DENND10: variants seen among roughly 807,000 people sequenced by gnomAD.
DENND10 encodes the protein DENN domain containing 10.
Under a neutral mutation model 43.6 loss-of-function variants are expected in DENND10, and 24 were observed. The ratio of observed to expected loss-of-function variants is 0.55; its 90% CI spans 0.40 to 0.77. The LOEUF (loss-of-function observed/expected upper bound fraction) is 0.77. DENND10 is among the 30% of genes least tolerant of loss of function. The probability of loss-of-function intolerance (pLI) is 0.00; values close to 1 mark genes in which losing one functional copy is unlikely to be tolerated. For missense variants in DENND10, 303 were observed against 429.9 expected (o/e 0.70, Z 2.61); for synonymous variants, 125 against 157.6 (o/e 0.79, Z 1.55).
chr10:119,126,539 A>G (rs530973562), intron 6 of DENND10, among the ~76,000 whole-genome samples: 1 of 152,234 alleles, frequency 6.6e-6, no homozygotes, highest in South Asian at 2.1e-4. Flanking sequence ...CTCTCAGCTC[A>G]CTGCAACCTC....
intron 6 of DENND10, 169 bp from the exon 7 acceptor site, chr10:119,129,346 G>A: frequency 1.7e-6 from 1 of 595,826 alleles, no homozygotes; most frequent in Non-Finnish European, 3.0e-6. Flanking sequence ...AATATCTTCA[G>A]GCAACTGATA....
rs977919710 is a variant in DENND10 at position 119,137,783 on chromosome 10, TTGAG to T, written c.*1141_*1144del. On this transcript the variant is annotated 3_prime_UTR_variant, in exon 9 of 9. Transcript: ENST00000361432. ...AAAAATTAAACACCCTCCCTTTTTT[TTGAG>T]TGAGGGCAGGGAGTACCTGAAATAA... 3 of 166,504 alleles carry T rather than the reference TTGAG, an allele frequency of 1.8e-5. No individual in the cohort carries two copies. The highest frequency in any genetic ancestry group is 7.3e-5 in the African/African-American group (3 of 41,280). 10.3% of individuals were successfully genotyped at this position (166,504 alleles called of 1,614,324 possible). A position where few individuals can be genotyped will look rare whatever the true frequency, so the allele number is the denominator to read the frequency against.
chr10:119,106,941 T>C (rs1844723981), intron 1 of DENND10, among the ~76,000 whole-genome samples: 1 of 151,890 alleles, frequency 6.6e-6, no homozygotes, highest in African/African-American at 2.4e-5. Context: ...CCCCAGCCAC[T>C]CGGGAGGCTG....
chr10:119,132,488 A>G lies in DENND10; in HGVS notation c.803-27A>G, dbSNP rs1234629622. The G allele has an allele frequency of 6.4e-7, 1 of 1,564,854 alleles. No individual in the cohort carries two copies. The highest frequency in any genetic ancestry group is 1.4e-5 in the African/African-American group (1 of 73,980). On this transcript the variant is annotated intron_variant, in intron 7 of 8. Coordinates refer to ENST00000361432, the MANE Select transcript of DENND10 (RefSeq NM_207009.4). The surrounding 1 kb of genome is among the most constrained non-coding windows in gnomAD (Gnocchi z 4.2). Reference sequence around the variant, plus strand: ...ATGATTATTTTTTATGTCGATTTCTAAATATTCACCTTCTTGATCTCACCA... The same window carrying G: ...ATGATTATTTTTTATGTCGATTTCTGAATATTCACCTTCTTGATCTCACCA...
chr10:119,115,342 T>C (rs1225761295), intron 3 of DENND10, among the ~76,000 whole-genome samples: 1 of 151,242 alleles, frequency 6.6e-6, no homozygotes, highest in Non-Finnish European at 1.5e-5. Flanking sequence ...CATTCATTGT[T>C]CTCTACTTTT....
chr10:119,123,886 T>G (rs1310317555), intron 6 of DENND10, among the ~76,000 whole-genome samples: 4 of 151,770 alleles, frequency 2.6e-5, no homozygotes, highest in Non-Finnish European at 5.9e-5. Context: ...TTTTTTTTTT[T>G]TTTTTAGTTT....
At chr10:119,113,054 T>A (rs1391072712) in intron 3 of DENND10, among the ~76,000 whole-genome samples, 1 of 152,042 alleles carries the variant, frequency 6.6e-6, no homozygotes. Context: ...TTTTGTCATG[T>A]TGGCCAGGCT....
At chr10:119,116,275 T>G (rs1158334052) in intron 3 of DENND10, among the ~76,000 whole-genome samples, 3 of 152,204 alleles carry the variant, frequency 2.0e-5, no homozygotes, top group African/African-American at 7.2e-5. Flanking sequence ...AGCTTTAACT[T>G]GACGATGAAT....
chr10:119,105,476 G>C (rs774100414), intron 1 of DENND10: 9 of 1,108,452 alleles, frequency 8.1e-6, no homozygotes, highest in South Asian at 7.5e-5. Context: ...GTGGAGATGG[G>C]ATACCGACAT....
rs1589748964 is a variant in DENND10, at chr10:119,132,978, G to A, written c.897+369G>A. ...AGGGGAGGTTGTTGCTGAGCATGGG[G>A]AACTAGATTGTCAAAATTTTGCTTT... On this transcript the variant is annotated intron_variant, in intron 8 of 8. Transcript: ENST00000361432. This position sits in a 1 kb window ranked among gnomAD's most constrained non-coding sequence, Gnocchi z 4.2. 1.4e-5 allele frequency: 3 copies of A among 214,604 alleles called. No individual in the cohort carries two copies. The East Asian group carries it at 3.5e-4, about 25-fold the overall frequency. 13.3% of individuals were successfully genotyped at this position (214,604 alleles called of 1,614,324 possible). A position where few individuals can be genotyped will look rare whatever the true frequency, so the allele number is the denominator to read the frequency against.
rs187069715 is a variant in DENND10 at position 119,118,889 on chromosome 10, G to T, written c.481+1222G>T. Among the ~76,000 whole-genome samples the T allele has an allele frequency of 5.0e-5, 7 of 141,238 alleles. 1 individual carries two copies. Among genetic ancestry groups the T allele is most frequent in the Admixed American group, 3.9e-4 (5 of 12,890 alleles). The allele number at this position is 141,238 out of a possible 152,430, so 92.7% of individuals were successfully genotyped here. On this transcript the variant is annotated intron_variant, in intron 4 of 8. Transcript: ENST00000361432. ...TCAAGAGTCTCACTGTGTCACCCAG[G>T]CTGGAGTGCAGTGGCACAATCTCAG...
chr10:119,105,879 C>A (rs1056396429), intron 1 of DENND10, among the ~76,000 whole-genome samples: 3 of 151,972 alleles, frequency 2.0e-5, no homozygotes. Flanking sequence ...GAGACCCCCC[C>A]CAACCCCGTC....
chr10:119,114,962 G>T (rs892216398), intron 3 of DENND10, among the ~76,000 whole-genome samples: 3 of 151,956 alleles, frequency 2.0e-5, no homozygotes, highest in Admixed American at 6.6e-5. Flanking sequence ...TAGAGACGGG[G>T]TTTCACCATG....
intron 8 of DENND10, chr10:119,135,320 G>A (rs1846277403): frequency 6.6e-6 from 1 of 152,200 alleles, no homozygotes; most frequent in Non-Finnish European, 1.5e-5. Flanking sequence ...AATATCCATA[G>A]CAGTGTTACT....
At chr10:119,104,543 G>C (rs1386425477) in intron 1 of DENND10, among the ~76,000 whole-genome samples, 4 of 149,178 alleles carry the variant, frequency 2.7e-5, no homozygotes, top group Non-Finnish European at 6.0e-5. Flanking sequence ...AGCTGCGAGG[G>C]GCGCTGCGCG....
chr10:119,108,856 T>C, intron 2 of DENND10, among the ~76,000 whole-genome samples: 1 of 151,716 alleles, frequency 6.6e-6, no homozygotes, highest in East Asian at 2.0e-4. Flanking sequence ...GGTTTTACCA[T>C]GTTTGCCAGG....
intron 7 of DENND10, among the ~76,000 whole-genome samples, 179 bp downstream of exon 7, chr10:119,129,801 C>T (rs565912286): frequency 2.0e-5 from 3 of 152,290 alleles, no homozygotes; most frequent in African/African-American, 4.8e-5. Context: ...CAGAACATCC[C>T]GGGTGCTTAT....
intron 6 of DENND10, among the ~76,000 whole-genome samples, chr10:119,125,887 C>T (rs900047598): frequency 7.9e-5 from 12 of 152,016 alleles, no homozygotes; most frequent in African/African-American, 2.7e-4. Context: ...CTATCAAATA[C>T]TAGGTCTTAT....
At chr10:119,107,173 T>G (rs1249400284) in intron 1 of DENND10, among the ~76,000 whole-genome samples, 1 of 151,810 alleles carries the variant, frequency 6.6e-6, no homozygotes, top group Non-Finnish European at 1.5e-5. Flanking sequence ...AAAAATTAGC[T>G]GGGCATGGTG....
Sources: gnomAD v4.1 joint callset for allele counts (sites outside exome capture counted in the v4.1 genomes callset) on GRCh38, gnomAD v4.1.1 for gene constraint, Gnocchi (gnomAD v3.1) non-coding constraint, MANE v1.5 for transcripts, NCBI Gene and HGNC (gene_info 2026-07-23, HGNC 2026-07-21) for gene names.